The following SGPP2 variants were observed in gnomAD, a reference collection of about 807,000 sequenced individuals.
SGPP2 encodes sphingosine-1-phosphate phosphatase 2, also known as sphingosine 1-phosphate phosphohydrolase 2.
Under a neutral mutation model 33.9 loss-of-function variants are expected in SGPP2, and 30 were observed. The ratio of observed to expected loss-of-function variants is 0.89; its 90% CI spans 0.66 to 1.20. The LOEUF is 1.20. SGPP2 is among the 50% of genes most tolerant of loss of function. SGPP2 has a pLI of 0.00. For missense variants in SGPP2, 458 were observed against 532.1 expected (o/e 0.86, Z 1.37); for synonymous variants, 233 against 225.0 (o/e 1.04, Z -0.32).
At chr2:222,546,868 T>TC (rs1325195266) in intron 4 of SGPP2, among the ~76,000 whole-genome samples, 1 of 149,910 alleles carries the variant, frequency 6.7e-6, no homozygotes, top group East Asian at 1.9e-4. Flanking sequence ...CTCTGATGTG[T>TC]CCCCTTTAGC....
chr2:222,558,370 C>T lies in SGPP2; in HGVS notation c.672C>T (p.Ile224=), dbSNP rs1406207034. 6.2e-7 allele frequency: 1 copy of T among 1,614,134 alleles called. No homozygotes were observed. Among genetic ancestry groups the T allele is most frequent in the East Asian group, 2.2e-5 (1 of 44,884 alleles). The part of the protein sequence containing the change: ...TVLDVLGGVL[I]TALLIVLTYP... ...AGGATGTGCTGGGTGGCGTCCTGAT[C>T]ACCGCACTCCTCATCGTCCTCACCT... The change falls in exon 5 of 5, where the codon ATC becomes ATT. Residue 224 remains isoleucine, a synonymous_variant. Transcript: ENST00000321276.
intron 1 of SGPP2, among the ~76,000 whole-genome samples, chr2:222,432,914 G>A (rs755265003): frequency 6.6e-5 from 10 of 152,022 alleles, no homozygotes; most frequent in African/African-American, 1.4e-4. Context: ...CCAGCTACTC[G>A]GGAGGCTGAG....
chr2:222,544,303 C>A (rs530591636), intron 4 of SGPP2, among the ~76,000 whole-genome samples: 2 of 152,174 alleles, frequency 1.3e-5, no homozygotes, highest in Non-Finnish European at 2.9e-5. Context: ...AACATGTTCA[C>A]GAATGCATTT....
chr2:222,486,654 G>T (rs1174414576), intron 2 of SGPP2, among the ~76,000 whole-genome samples: 1 of 152,130 alleles, frequency 6.6e-6, no homozygotes, highest in East Asian at 1.9e-4. Flanking sequence ...CTTGAGCGAA[G>T]TGTAGGCACT....
chr2:222,551,149 A>G (rs1689287837), intron 4 of SGPP2, among the ~76,000 whole-genome samples: 3 of 151,760 alleles, frequency 2.0e-5, no homozygotes, highest in Admixed American at 2.0e-4. Flanking sequence ...TATGTTCCCT[A>G]TCAACCATCT....
chr2:222,441,264 A>G (rs1025342495), intron 1 of SGPP2, among the ~76,000 whole-genome samples: 2 of 152,200 alleles, frequency 1.3e-5, no homozygotes, highest in Non-Finnish European at 2.9e-5. Flanking sequence ...GAACCATTAC[A>G]TTTGTTTAAT....
intron 2 of SGPP2, among the ~76,000 whole-genome samples, chr2:222,478,052 G>T (rs1697974766): frequency 6.6e-6 from 1 of 152,028 alleles, no homozygotes; most frequent in African/African-American, 2.4e-5. Context: ...TATTCTGTGT[G>T]GTCATTGTAA....
chr2:222,539,989 T>C (rs1698968073), intron 4 of SGPP2, among the ~76,000 whole-genome samples: 1 of 152,212 alleles, frequency 6.6e-6, no homozygotes, highest in African/African-American at 2.4e-5. Context: ...GACAAGAATG[T>C]GAATTTCCTG....
chr2:222,500,532 A>G (rs1698352068), intron 2 of SGPP2, among the ~76,000 whole-genome samples: 1 of 152,194 alleles, frequency 6.6e-6, no homozygotes, highest in Non-Finnish European at 1.5e-5. Flanking sequence ...AGTTGTTTGG[A>G]AAGAGTATGA....
chr2:222,551,140 A>G (rs1689287707), intron 4 of SGPP2, among the ~76,000 whole-genome samples: 1 of 151,774 alleles, frequency 6.6e-6, no homozygotes, highest in Admixed American at 6.6e-5. Flanking sequence ...TATATTTCTT[A>G]TGTTCCCTAT....
At chr2:222,556,179 CAT>C (rs917704642) in intron 4 of SGPP2, among the ~76,000 whole-genome samples, 14 of 152,132 alleles carry the variant, frequency 9.2e-5, no homozygotes, top group African/African-American at 3.1e-4. Context: ...CTGGAGGCAA[CAT>C]GTGTAGAAAA....
rs1689542131 is a variant in SGPP2 at position 222,561,552 on chromosome 2, C to A, written c.*2654C>A. Among the ~76,000 whole-genome samples the A allele has an allele frequency of 6.8e-6, 1 of 146,148 alleles. No individual in the cohort carries two copies. Among genetic ancestry groups the A allele is most frequent in the Non-Finnish European group, 1.5e-5 (1 of 66,324 alleles). On this transcript the variant is annotated 3_prime_UTR_variant, in exon 5 of 5. Transcript: ENST00000321276. ...TATCATTTTATATATATATATATAT[C>A]ATATACATAATTTTTACTGCTGTCT...
chr2:222,485,388 A>G (rs1698089634), intron 2 of SGPP2, among the ~76,000 whole-genome samples: 1 of 152,146 alleles, frequency 6.6e-6, no homozygotes, highest in African/African-American at 2.4e-5. Context: ...TGACAGACTG[A>G]GTGTCCCAGA....
chr2:222,477,343 A>C lies in SGPP2; in HGVS notation c.378+2617A>C, dbSNP rs957901295. Among the ~76,000 whole-genome samples, 1 of 145,986 alleles carries C rather than the reference A, an allele frequency of 6.8e-6. No homozygotes were observed. Among genetic ancestry groups the C allele is most frequent in the Non-Finnish European group, 1.5e-5 (1 of 66,156 alleles). ...TATATGTGTGTCTATGTGTGTGTGT[A>C]TAGGTGTGTATATATGTGTATGTGT... On this transcript the variant is annotated intron_variant, in intron 2 of 4. Transcript: ENST00000321276. This position sits in a 1 kb window ranked among gnomAD's most constrained non-coding sequence, Gnocchi z 6.0.
intron 1 of SGPP2, among the ~76,000 whole-genome samples, chr2:222,448,361 A>G (rs926434746): frequency 2.0e-5 from 3 of 152,234 alleles, no homozygotes; most frequent in African/African-American, 4.8e-5. Flanking sequence ...CATGTGGGAC[A>G]TACCAGCACC....
At position 222,537,943 on chromosome 2, in the gene SGPP2, T is replaced by C. The variant is rs58400093; in HGVS notation, c.648+12910T>C. 6.6e-3 allele frequency among the ~76,000 whole-genome samples: 1,000 copies of C among 152,328 alleles called. 8 individuals carry two copies. Among genetic ancestry groups the C allele is most frequent in the African/African-American group, 0.023 (964 of 41,572 alleles). ...AAACAACCTGATGTCCTTCAACTGG[T>C]AAAAGGATAAACAAACTATGGTACA... On this transcript the variant is annotated intron_variant, in intron 4 of 4. Transcript: ENST00000321276.
chr2:222,434,633 A>T (rs1310573408), intron 1 of SGPP2, among the ~76,000 whole-genome samples: 1 of 152,206 alleles, frequency 6.6e-6, no homozygotes, highest in African/African-American at 2.4e-5. Context: ...AAATGCCTTC[A>T]TAAGAAATGC....
Position 222,558,596 on chromosome 2 carries a change from G to T in SGPP2, c.898G>T (p.Val300Leu), listed in dbSNP as rs906956574. 2 of 1,614,202 alleles carry T rather than the reference G, an allele frequency of 1.2e-6. No homozygotes were observed. The highest frequency in any genetic ancestry group is 2.2e-5 in the East Asian group (1 of 44,888). ...GFWINHFFQL[V>L]SKPAESLPVI... is the part of the protein sequence containing the mutation. ...CTGGATCAACCATTTCTTCCAGCTTGTATCCAAGCCCGCTGAATCTCTCCC... is the reference window on the plus strand; with the variant it reads ...CTGGATCAACCATTTCTTCCAGCTTTTATCCAAGCCCGCTGAATCTCTCCC... The change falls in exon 5 of 5, where the codon GTA becomes TTA. Residue 300 changes from valine to leucine, a missense_variant. Transcript: ENST00000321276.
At chr2:222,475,933 T>G (rs1697926420) in intron 2 of SGPP2, among the ~76,000 whole-genome samples, 1 of 152,100 alleles carries the variant, frequency 6.6e-6, no homozygotes, top group Admixed American at 6.5e-5. Flanking sequence ...ATATCTAGAG[T>G]GTGCACAGAG....
Sources: allele counts gnomAD v4.1 joint callset (sites outside exome capture counted in the v4.1 genomes callset), GRCh38; gene constraint gnomAD v4.1.1; non-coding constraint Gnocchi (gnomAD v3.1); transcripts MANE v1.5; gene names NCBI Gene and HGNC (gene_info 2026-07-23, HGNC 2026-07-21).